Variants in VPS13B observed in about 807,000 individuals in gnomAD.
VPS13B encodes the protein intermembrane lipid transfer protein VPS13B.
In VPS13B, 285 loss-of-function variants were observed where a neutral mutation model predicts 426.4. The ratio of observed to expected loss-of-function variants is 0.67; its 90% CI spans 0.61 to 0.74. The LOEUF (loss-of-function observed/expected upper bound fraction) is 0.74, where lower values mean the gene tolerates loss of function less well. VPS13B is among the 30% of genes least tolerant of loss of function. VPS13B has a pLI of 0.00. For synonymous variants in VPS13B, 1,676 were observed against 1,676.4 expected, an observed-to-expected ratio of 1.00 and a Z score of 0.01; for missense variants, 4,537 against 4,782.6, an observed-to-expected ratio of 0.95 and a Z score of 1.51.
At chr8:99,029,090 C>T (rs1202192663) in intron 2 of VPS13B, among the ~76,000 whole-genome samples, 9 of 142,054 alleles carry the variant, frequency 6.3e-5, no homozygotes, top group African/African-American at 1.0e-4. Flanking sequence ...CGCTCCTCAC[C>T]TCCCAGACAG....
intron 19 of VPS13B, among the ~76,000 whole-genome samples, chr8:99,370,186 T>TG (rs1325565322): frequency 6.6e-6 from 1 of 152,242 alleles, no homozygotes; most frequent in Non-Finnish European, 1.5e-5. Context: ...ACAATACAAA[T>TG]GGTCTCTGAT....
intron 19 of VPS13B, among the ~76,000 whole-genome samples, chr8:99,358,095 G>A (rs1192720161): frequency 9.9e-5 from 15 of 151,862 alleles, no homozygotes; most frequent in Admixed American, 9.8e-4. Flanking sequence ...TATTGCTGCT[G>A]TTTTTCTGAA....
intron 19 of VPS13B, among the ~76,000 whole-genome samples, chr8:99,314,788 T>A (rs1821219076): frequency 6.6e-6 from 1 of 152,214 alleles, no homozygotes. Context: ...TTGCTTTATA[T>A]ATCTGGGTGC....
chr8:99,772,740 G>A (rs1469062420), intron 40 of VPS13B, among the ~76,000 whole-genome samples: 1 of 152,066 alleles, frequency 6.6e-6, no homozygotes, highest in Non-Finnish European at 1.5e-5. Flanking sequence ...TTGTTATTTG[G>A]AGTTAGGGTT....
chr8:99,698,594 A>G (rs564694539), intron 35 of VPS13B, among the ~76,000 whole-genome samples: 24 of 152,172 alleles, frequency 1.6e-4, no homozygotes, highest in Non-Finnish European at 3.4e-4. Flanking sequence ...TCCTAGCTTC[A>G]TTTGGGATTA....
intron 19 of VPS13B, among the ~76,000 whole-genome samples, chr8:99,370,371 C>T (rs187989454): frequency 3.6e-4 from 54 of 152,060 alleles, no homozygotes; most frequent in South Asian, 2.1e-4. Flanking sequence ...GAAGGGGCAG[C>T]GAAGAATTTG....
chr8:99,272,317 C>T (rs895575277), intron 17 of VPS13B, among the ~76,000 whole-genome samples: 1 of 152,066 alleles, frequency 6.6e-6, no homozygotes, highest in African/African-American at 2.4e-5. Flanking sequence ...TTGTGTTAAA[C>T]ACCCTAGATC....
chr8:99,333,345 G>T (rs529783583), intron 19 of VPS13B, among the ~76,000 whole-genome samples: 11 of 151,802 alleles, frequency 7.2e-5, no homozygotes, highest in Admixed American at 4.6e-4. Context: ...AGGTAATTAT[G>T]TAGATTCACA....
chr8:99,640,058 A>AGAAGAAGAAGAAGAAGAAGAAGAAGAAG (rs1400114054), intron 33 of VPS13B, among the ~76,000 whole-genome samples: 2 of 68,434 alleles, frequency 2.9e-5, no homozygotes, highest in Admixed American at 1.8e-4. Flanking sequence ...AGAGAAAAGA[A>AGAAGAAGAAGAAGAAGAAGAAGAAGAAG]AAGAAAAGAA....
intron 23 of VPS13B, among the ~76,000 whole-genome samples, chr8:99,452,650 C>T (rs554261978): frequency 1.7e-4 from 26 of 151,420 alleles, no homozygotes; most frequent in South Asian, 2.1e-4. Context: ...CTGGTCTTTA[C>T]GAAATGAAAA....
At chr8:99,074,541 T>C (rs1424485583) in intron 3 of VPS13B, among the ~76,000 whole-genome samples, 1 of 152,022 alleles carries the variant, frequency 6.6e-6, no homozygotes. Context: ...GATTATAGTA[T>C]ATTATGATGC....
intron 30 of VPS13B, among the ~76,000 whole-genome samples, chr8:99,525,570 A>G (rs935688510): frequency 6.6e-6 from 1 of 152,186 alleles, no homozygotes; most frequent in Non-Finnish European, 1.5e-5. Flanking sequence ...CTAATAATAA[A>G]TGGGGCTTTT....
chr8:99,406,276 G>A (rs949519721), intron 21 of VPS13B, among the ~76,000 whole-genome samples: 2 of 149,204 alleles, frequency 1.3e-5, no homozygotes, highest in Non-Finnish European at 3.0e-5. Flanking sequence ...AGGGCTATAT[G>A]TGAATTGTTC....
At chr8:99,201,518 A>G (rs952016675) in intron 17 of VPS13B, among the ~76,000 whole-genome samples, 1 of 152,178 alleles carries the variant, frequency 6.6e-6, no homozygotes, top group African/African-American at 2.4e-5. Flanking sequence ...ATCCAAAAGT[A>G]AGAGATAAAT....
chr8:99,487,961 A>C (rs1820397983), intron 25 of VPS13B, among the ~76,000 whole-genome samples: 1 of 152,170 alleles, frequency 6.6e-6, no homozygotes, highest in Non-Finnish European at 1.5e-5. Context: ...GCCTTGAAGT[A>C]ATTGTATGCA....
rs551818364 is a variant in VPS13B at position 99,537,476 on chromosome 8, C to T, written c.4745+16466C>T. ...CGAAAACATCTTTCAGGTTTGTTCT[C>T]CATAGTTTAACCCTCAAAGAAGAAA... On this transcript the variant is annotated intron_variant, in intron 30 of 61. Coordinates refer to ENST00000357162, the MANE Select transcript of VPS13B (RefSeq NM_152564.5). Among the ~76,000 whole-genome samples, 17 of 152,198 alleles carry T rather than the reference C, an allele frequency of 1.1e-4. No individual in the cohort carries two copies. In the South Asian group the frequency reaches 3.3e-3, roughly 30 times the overall value.
At chr8:99,639,695 A>G (rs1829229507) in intron 33 of VPS13B, among the ~76,000 whole-genome samples, 1 of 148,532 alleles carries the variant, frequency 6.7e-6, no homozygotes, top group African/African-American at 2.4e-5. Flanking sequence ...TTTACCAATC[A>G]AATTAAGGAG....
At chr8:99,254,463 A>AT (rs1253503740) in intron 17 of VPS13B, among the ~76,000 whole-genome samples, 1 of 150,162 alleles carries the variant, frequency 6.7e-6, no homozygotes, top group Non-Finnish European at 1.5e-5. Context: ...TCCATTCAGT[A>AT]TTTTTTCTTT....
chr8:99,412,930 G>A (rs1815770085), intron 21 of VPS13B, among the ~76,000 whole-genome samples: 1 of 152,158 alleles, frequency 6.6e-6, no homozygotes, highest in South Asian at 2.1e-4. Flanking sequence ...TGGTGTATAA[G>A]CTTTTTGATG....
Sources: gnomAD v4.1 joint callset for allele counts (sites outside exome capture counted in the v4.1 genomes callset) on GRCh38, gnomAD v4.1.1 for gene constraint, MANE v1.5 for transcripts, NCBI Gene and HGNC (gene_info 2026-07-23, HGNC 2026-07-21) for gene names.